Variants in ACVR1C observed in about 807,000 individuals in gnomAD.
The protein encoded by ACVR1C is activin receptor type-1C.
ACVR1C carries 23 observed loss-of-function variants against 57.9 expected under a neutral mutation model. The ratio of observed to expected loss-of-function variants is 0.40; its 90% CI spans 0.29 to 0.56. ACVR1C has a LOEUF of 0.56. Ranked by LOEUF, ACVR1C falls within the 20% of genes least tolerant of loss-of-function variation. The probability of loss-of-function intolerance (pLI) is 0.50; values close to 1 mark genes in which losing one functional copy is unlikely to be tolerated. For missense variants in ACVR1C, 480 were observed against 607.9 expected (o/e 0.79, Z 2.21); for synonymous variants, 214 against 215.3 (o/e 0.99, Z 0.05).
intron 7 of ACVR1C, among the ~76,000 whole-genome samples, chr2:157,539,353 A>G (rs1687565724): frequency 1.3e-5 from 2 of 152,308 alleles, no homozygotes; most frequent in South Asian, 4.1e-4. Flanking sequence ...AAAGAGTCTC[A>G]AAGACAAAGA....
intron 3 of ACVR1C, among the ~76,000 whole-genome samples, chr2:157,555,412 C>G (rs1280627525): frequency 1.3e-5 from 2 of 152,226 alleles, no homozygotes; most frequent in Non-Finnish European, 2.9e-5. Context: ...AGCCACCGCG[C>G]CCGGCCGGTA....
rs1558975028 is a variant in ACVR1C, at chr2:157,554,251, GAAAGA to G, written c.544+1837_544+1841del. On this transcript the variant is annotated intron_variant, in intron 3 of 8. Coordinates refer to ENST00000243349, the MANE Select transcript of ACVR1C (RefSeq NM_145259.3). ...AGAAAGAAAGAAAGAAAGAAAGAAA[GAAAGA>G]AAGAAAGAAAGAAAGGAAGGAAGGA... is the stretch of plus-strand genomic sequence containing the variant. Among the ~76,000 whole-genome samples, 25 of 122,450 alleles carry G rather than the reference GAAAGA, an allele frequency of 2.0e-4. 1 individual carries two copies. The highest frequency in any genetic ancestry group is 9.2e-4 in the African/African-American group (25 of 27,316). 80.3% of individuals were successfully genotyped at this position (122,450 alleles called of 152,430 possible).
chr2:157,559,471 G>A (rs1688186692), intron 2 of ACVR1C, among the ~76,000 whole-genome samples: 1 of 152,218 alleles, frequency 6.6e-6, no homozygotes, highest in South Asian at 2.1e-4. Context: ...AAACAATCAT[G>A]CAGCTAAGAA....
chr2:157,550,085 C>G (rs1277723985), intron 4 of ACVR1C, 77 bp downstream of exon 4: 2 of 1,243,536 alleles, frequency 1.6e-6, no homozygotes, highest in East Asian at 5.0e-5. Flanking sequence ...TGATACTAGA[C>G]AACATTTTTT....
At chr2:157,608,272 T>C (rs1196834038) in intron 1 of ACVR1C, among the ~76,000 whole-genome samples, 1 of 151,992 alleles carries the variant, frequency 6.6e-6, no homozygotes, top group Non-Finnish European at 1.5e-5. Flanking sequence ...ATTCTGTTGA[T>C]GTGAAGTATA....
chr2:157,593,905 T>C (rs796790843), intron 1 of ACVR1C, among the ~76,000 whole-genome samples: 17 of 152,316 alleles, frequency 1.1e-4, no homozygotes, highest in African/African-American at 3.8e-4. Context: ...GTAGAAATAC[T>C]ACTTCTCAGG....
intron 3 of ACVR1C, among the ~76,000 whole-genome samples, chr2:157,550,972 A>G (rs1362028555): frequency 1.3e-5 from 2 of 152,214 alleles, no homozygotes; most frequent in African/African-American, 4.8e-5. Context: ...AAGAAAATAT[A>G]TCCTGAATGT....
In ACVR1C at chr2:157,587,355, A is replaced by C. The variant is rs763000951; in HGVS notation, c.136T>G (p.Cys46Gly). ...SNFTCQTEGA[C>G]WASVMLTNGK... ...TTGGTTAGCATGACTGATGCCCAACATGCTCCTTCTGTTTGGCAGGTGAAG... is the reference window on the plus strand; with the variant it reads ...TTGGTTAGCATGACTGATGCCCAACCTGCTCCTTCTGTTTGGCAGGTGAAG... Residue 46 changes from cysteine to glycine, a missense_variant, in exon 2 of 9, where the codon TGT becomes GGT. By Grantham distance (159) the Cys-to-Gly change is radical. Coordinates refer to ENST00000243349, the MANE Select transcript of ACVR1C (RefSeq NM_145259.3). The C allele has an allele frequency of 1.2e-6, 2 of 1,613,676 alleles. No individual in the cohort carries two copies. Among genetic ancestry groups the C allele is most frequent in the Non-Finnish European group, 1.7e-6 (2 of 1,179,640 alleles).
intron 8 of ACVR1C, among the ~76,000 whole-genome samples, chr2:157,537,915 G>C (rs1381343342): frequency 6.6e-6 from 1 of 152,146 alleles, no homozygotes; most frequent in Non-Finnish European, 1.5e-5. Context: ...GAGATGACAA[G>C]ATAAATAACA....
rs1688097150 is a variant in ACVR1C at position 157,556,229 on chromosome 2, G to T, written c.408C>A (p.Cys136Ter). ...TCCTGTAGGAGCACTGTCGACCCTG[G>T]CATGCCCATACTGTCAGCATCGCAG... is the stretch of plus-strand genomic sequence containing the variant. ...SIAAMLTVWA[C>*]QGRQCSYRKK... Residue 136 changes from cysteine (C) to a stop codon, truncating the protein, a stop_gained, in exon 3 of 9, where the codon TGC (cysteine) becomes TGA (stop). Transcript: ENST00000243349. LOFTEE classifies it high-confidence loss of function. 1 of 1,613,914 alleles carries T rather than the reference G, an allele frequency of 6.2e-7. No homozygotes were observed. The highest frequency in any genetic ancestry group is 8.5e-7 in the Non-Finnish European group (1 of 1,180,002).
intron 1 of ACVR1C, among the ~76,000 whole-genome samples, chr2:157,596,370 G>T (rs998922395): frequency 5.9e-5 from 9 of 152,156 alleles, no homozygotes; most frequent in African/African-American, 2.2e-4. Context: ...TTGACAAAAA[G>T]AAGTCAAGTA....
At position 157,527,254 on chromosome 2, in the gene ACVR1C, A is replaced by C. The variant is rs1423835526; in HGVS notation, c.*6664T>G. ...CAGTTTATTGCCCAATTCCTATTTT[A>C]AAACCTAATTTATTTTTTCATATTC... On this transcript the variant is annotated 3_prime_UTR_variant, in exon 9 of 9. Transcript: ENST00000243349. 2 of 152,166 alleles carry C rather than the reference A, an allele frequency of 1.3e-5. No homozygotes were observed. The highest frequency in any genetic ancestry group is 2.9e-5 in the Non-Finnish European group (2 of 68,010). The allele number at this position is 152,166 out of a possible 1,614,324, so 9.4% of individuals were successfully genotyped here.
intron 2 of ACVR1C, among the ~76,000 whole-genome samples, chr2:157,558,081 A>G (rs1688146066): frequency 6.6e-6 from 1 of 152,154 alleles, no homozygotes; most frequent in African/African-American, 2.4e-5. Context: ...AGTCTCCTAG[A>G]GGAGACTTAG....
At chr2:157,543,049 T>C (rs1402175343) in intron 5 of ACVR1C, among the ~76,000 whole-genome samples, 187 bp from the exon 6 acceptor site, 1 of 152,198 alleles carries the variant, frequency 6.6e-6, no homozygotes, top group Non-Finnish European at 1.5e-5. Flanking sequence ...AAATAAACTG[T>C]AAACGAATAA....
intron 1 of ACVR1C, among the ~76,000 whole-genome samples, chr2:157,608,439 T>C (rs1682456729): frequency 6.6e-6 from 1 of 151,844 alleles, no homozygotes; most frequent in Non-Finnish European, 1.5e-5. Flanking sequence ...TATTGGCATG[T>C]AGATTTCTTT....
In ACVR1C at chr2:157,539,853, G is replaced by C. The variant is rs1045409043; in HGVS notation, c.1226-1150C>G. Among the ~76,000 whole-genome samples the C allele has an allele frequency of 5.9e-5, 9 of 152,222 alleles. No individual in the cohort carries two copies. In the East Asian group the frequency reaches 1.2e-3, roughly 20 times the overall value. The stretch of plus-strand genomic sequence containing the variant: ...CTTCTATAAACAGTTGTAGATCCCT[G>C]AATGTTTTATAATATCATCTATGAA... On this transcript the variant is annotated intron_variant, in intron 7 of 8. Transcript: ENST00000243349.
chr2:157,573,489 G>A (rs754637348), intron 2 of ACVR1C, among the ~76,000 whole-genome samples: 3 of 151,724 alleles, frequency 2.0e-5, no homozygotes, highest in Non-Finnish European at 2.9e-5. Flanking sequence ...ACCCTTTTAA[G>A]CACTGTATGT....
chr2:157,562,392 C>T (rs1385594767), intron 2 of ACVR1C, among the ~76,000 whole-genome samples: 2 of 145,490 alleles, frequency 1.4e-5, no homozygotes, highest in African/African-American at 2.5e-5. Flanking sequence ...CAGGAAGAAG[C>T]TGAATCCCTG....
intron 4 of ACVR1C, among the ~76,000 whole-genome samples, chr2:157,548,741 G>C (rs1328763767): frequency 6.6e-6 from 1 of 152,172 alleles, no homozygotes; most frequent in Non-Finnish European, 1.5e-5. Context: ...ATATCAGAAA[G>C]CTGATGCTCT....
Sources: gnomAD v4.1 joint callset for allele counts (sites outside exome capture counted in the v4.1 genomes callset) on GRCh38, gnomAD v4.1.1 for gene constraint, MANE v1.5 for transcripts, NCBI Gene and HGNC (gene_info 2026-07-23, HGNC 2026-07-21) for gene names.